CEP295NL: variants seen among roughly 807,000 people sequenced by gnomAD.
The protein encoded by CEP295NL is CEP295 N-terminal like, also known as protein DDC8 homolog.
A neutral mutation model predicts 4.6 loss-of-function variants in CEP295NL; 3 were observed. That is an observed-to-expected ratio of 0.65 (90% CI 0.30 to 1.69). The LOEUF (loss-of-function observed/expected upper bound fraction) is 1.69. Ranked by LOEUF, CEP295NL falls within the 40% of genes most tolerant of loss-of-function variation. The pLI, the probability that CEP295NL is intolerant of heterozygous loss-of-function variation, is 0.10. For missense variants in CEP295NL, 719 were observed against 769.0 expected (o/e 0.93, Z 0.77); for synonymous variants, 295 against 312.2 (o/e 0.94, Z 0.58).
At position 78,890,833 on chromosome 17, in the gene CEP295NL, G is replaced by A; in HGVS notation, c.1671C>T (p.Ser557=). 1 of 1,550,604 alleles carries A rather than the reference G, an allele frequency of 6.4e-7. No individual in the cohort carries two copies. Among genetic ancestry groups the A allele is most frequent in the Non-Finnish European group, 8.7e-7 (1 of 1,147,014 alleles). The change falls in exon 3 of 3, where the codon TCC becomes TCT. Residue 557 remains serine, a synonymous_variant. Transcript: ENST00000322630. ...RARLAHLKSS[S]TRAQERERGS... is the part of the protein sequence containing the mutation. ...CTCTCTCCCTTTCCTGGGCTCTCGT[G>A]GAGGAGGACTTCAGATGGGCCAGTC... is the stretch of plus-strand genomic sequence containing the variant.
At chr17:78,900,787 C>T (rs1271023288) in intron 2 of CEP295NL, among the ~76,000 whole-genome samples, 1 of 152,200 alleles carries the variant, frequency 6.6e-6, no homozygotes, top group Non-Finnish European at 1.5e-5. Flanking sequence ...AATGGGAACA[C>T]ATCTAAAACT....
In CEP295NL at chr17:78,891,473, G is replaced by A. The variant is rs1443960158; in HGVS notation, c.1031C>T (p.Ala344Val). 6.4e-7 allele frequency: 1 copy of A among 1,551,078 alleles called. No homozygotes were observed. Among genetic ancestry groups the A allele is most frequent in the Non-Finnish European group, 8.7e-7 (1 of 1,147,124 alleles). Residue 344 changes from alanine (A) to valine (V), a missense_variant, in exon 3 of 3, where the codon GCC (alanine) becomes GTC (valine). Transcript: ENST00000322630. The surrounding 1 kb of genome is among the most constrained non-coding windows in gnomAD (Gnocchi z 4.5). ...GTTTATATTAAACAACTCTTCAAAGGCCAACTCCAGCTCTTTCTGCCACTT... is the reference window on the plus strand; with the variant it reads ...GTTTATATTAAACAACTCTTCAAAGACCAACTCCAGCTCTTTCTGCCACTT... ...KNKWQKELEL[A>V]FEELFNINRK...
chr17:78,900,400 C>T (rs1320300004), intron 2 of CEP295NL, among the ~76,000 whole-genome samples: 1 of 152,056 alleles, frequency 6.6e-6, no homozygotes, highest in African/African-American at 2.4e-5. Flanking sequence ...AAAAAATTAG[C>T]CAGGTGTGGT....
rs529721968 is a variant in CEP295NL at position 78,896,709 on chromosome 17, C to T, written c.45-4250G>A. Among the ~76,000 whole-genome samples, 9 of 152,278 alleles carry T rather than the reference C, an allele frequency of 5.9e-5. No individual in the cohort carries two copies. Among genetic ancestry groups the T allele is most frequent in the Admixed American group, 6.5e-5 (1 of 15,296 alleles). The stretch of plus-strand genomic sequence containing the variant: ...CCACAGCTCCCCCCTCCGCAGAAGC[C>T]GCGCTCGGAGCAGCAGAAGGAAGGC... On this transcript the variant is annotated intron_variant, in intron 2 of 2. Transcript: ENST00000322630. This position sits in a 1 kb window ranked among gnomAD's most constrained non-coding sequence, Gnocchi z 4.4.
In CEP295NL at chr17:78,892,474, G is replaced by A. The variant is rs1208952443; in HGVS notation, c.45-15C>T. ...CCACAGCAAACCTACGAGGAAGGGA[G>A]CACAAGTGCAGCTTTCCAGATCGCT... is the stretch of plus-strand genomic sequence containing the variant. On this transcript the variant is annotated splice_polypyrimidine_tract_variant and intron_variant, in intron 2 of 2. Coordinates refer to ENST00000322630, the MANE Select transcript of CEP295NL (RefSeq NM_001243540.2). 6.5e-7 allele frequency: 1 copy of A among 1,538,320 alleles called. No individual in the cohort carries two copies. Among genetic ancestry groups the A allele is most frequent in the Non-Finnish European group, 8.8e-7 (1 of 1,140,512 alleles).
At position 78,890,747 on chromosome 17, in the gene CEP295NL, C is replaced by G. The variant is rs767395031; in HGVS notation, c.1757G>C (p.Ser586Thr). Residue 586 changes from serine to threonine, a missense_variant, in exon 3 of 3, where the codon AGT (serine) becomes ACT (threonine). Coordinates refer to ENST00000322630, the MANE Select transcript of CEP295NL (RefSeq NM_001243540.2). The part of the protein sequence containing the change: ...GTSLADDDRH[S>T]QMIRDQQQQI... ...CTGCTGCTGGTCTCGGATCATCTGA[C>G]TGTGCCGGTCGTCGTCGGCGAGGCT... 6.4e-7 allele frequency: 1 copy of G among 1,550,562 alleles called. No individual in the cohort carries two copies. The highest frequency in any genetic ancestry group is 1.4e-5 in the African/African-American group (1 of 73,054).
chr17:78,894,359 G>T (rs2069965107), intron 2 of CEP295NL, among the ~76,000 whole-genome samples: 1 of 152,000 alleles, frequency 6.6e-6, no homozygotes, highest in Non-Finnish European at 1.5e-5. Flanking sequence ...TTTGACTTAA[G>T]TCTTCTAGTG....
intron 2 of CEP295NL, among the ~76,000 whole-genome samples, chr17:78,893,122 T>C (rs928316453): frequency 1.3e-5 from 2 of 148,708 alleles, no homozygotes; most frequent in African/African-American, 5.0e-5. Flanking sequence ...CATGCACATG[T>C]GTGTGCAGGG....
rs2069919072 is a variant in CEP295NL, at chr17:78,892,607, C to A, written c.45-148G>T. ...CTCTCTTGACCCGTGCCCACCAGGGCCCACTCTCAGCCTCCCAATTTCTGT... is the reference window on the plus strand; with the variant it reads ...CTCTCTTGACCCGTGCCCACCAGGGACCACTCTCAGCCTCCCAATTTCTGT... On this transcript the variant is annotated intron_variant, in intron 2 of 2. Transcript: ENST00000322630. 7 of 1,260,628 alleles carry A rather than the reference C, an allele frequency of 5.6e-6. No homozygotes were observed. In the Admixed American group the frequency reaches 8.7e-5, roughly 16 times the overall value. 78.1% of individuals were successfully genotyped at this position (1,260,628 alleles called of 1,614,324 possible).
chr17:78,900,374 C>T (rs562231650), intron 2 of CEP295NL, among the ~76,000 whole-genome samples: 2 of 152,124 alleles, frequency 1.3e-5, no homozygotes, highest in South Asian at 2.1e-4. Context: ...GGTGAAACCT[C>T]GTCTCTACTA....
chr17:78,895,682 G>A (rs533798001), intron 2 of CEP295NL, among the ~76,000 whole-genome samples: 2 of 152,348 alleles, frequency 1.3e-5, no homozygotes, highest in South Asian at 4.1e-4. Context: ...AAAGCTCAGA[G>A]AGGTTGAATA....
chr17:78,890,847 G>A lies in CEP295NL; in HGVS notation c.1657C>T (p.Leu553=). The A allele has an allele frequency of 6.4e-7, 1 of 1,550,658 alleles. No individual in the cohort carries two copies. The highest frequency in any genetic ancestry group is 8.7e-7 in the Non-Finnish European group (1 of 1,147,024). ...TGGGCTCTCGTGGAGGAGGACTTCA[G>A]ATGGGCCAGTCGAGCTCTTCTTTGC... ...REQRRARLAH[L]KSSSTRAQER... Residue 553 remains leucine, a synonymous_variant, in exon 3 of 3, where the codon CTG becomes TTG. Coordinates refer to ENST00000322630, the MANE Select transcript of CEP295NL (RefSeq NM_001243540.2).
rs1287716711 is a variant in CEP295NL, at chr17:78,896,897, G to A, written c.45-4438C>T. ...AGACCGATCCGATCCCAGCACCTGGGCCCAGGAATGTGCTTGGCCACCAGA... is the reference window on the plus strand; with the variant it reads ...AGACCGATCCGATCCCAGCACCTGGACCCAGGAATGTGCTTGGCCACCAGA... On this transcript the variant is annotated intron_variant, in intron 2 of 2. Coordinates refer to ENST00000322630, the MANE Select transcript of CEP295NL (RefSeq NM_001243540.2). This position sits in a 1 kb window ranked among gnomAD's most constrained non-coding sequence, Gnocchi z 4.4. 1 of 984,300 alleles carries A rather than the reference G, an allele frequency of 1.0e-6. No homozygotes were observed. Among genetic ancestry groups the A allele is most frequent in the African/African-American group, 1.7e-5 (1 of 57,184 alleles). 61.0% of individuals were successfully genotyped at this position (984,300 alleles called of 1,614,324 possible). A position where few individuals can be genotyped will look rare whatever the true frequency, so the allele number is the denominator to read the frequency against.
Position 78,896,085 on chromosome 17 carries a change from T to C in CEP295NL, c.45-3626A>G, listed in dbSNP as rs2069994722. On this transcript the variant is annotated intron_variant, in intron 2 of 2. Transcript: ENST00000322630. This position sits in a 1 kb window ranked among gnomAD's most constrained non-coding sequence, Gnocchi z 4.4. ...AGATCTTTGGGATAAGTCTAGAAAATTGCAGCCAGCTCCATCCTTCAGGAA... is the reference window on the plus strand; with the variant it reads ...AGATCTTTGGGATAAGTCTAGAAAACTGCAGCCAGCTCCATCCTTCAGGAA... Among the ~76,000 whole-genome samples the C allele has an allele frequency of 6.6e-6, 1 of 152,084 alleles. No individual in the cohort carries two copies. Among genetic ancestry groups the C allele is most frequent in the Non-Finnish European group, 1.5e-5 (1 of 68,006 alleles).
At chr17:78,901,208 G>C (rs1008002198) in intron 2 of CEP295NL, 1 of 153,996 alleles carries the variant, frequency 6.5e-6, no homozygotes, top group Admixed American at 6.3e-5. Context: ...AGGAACCGAC[G>C]GGCAGACGTG....
At chr17:78,902,966 C>T (rs2070118557) in intron 1 of CEP295NL, among the ~76,000 whole-genome samples, 168 bp downstream of exon 1, 1 of 152,226 alleles carries the variant, frequency 6.6e-6, no homozygotes, top group Non-Finnish European at 1.5e-5. Flanking sequence ...AGGGACTTTG[C>T]CGCTGGCCTT....
rs1255638768 is a variant in CEP295NL, at chr17:78,892,048, C to CG, written c.455dup (p.Gln153AlafsTer19). The CG allele has an allele frequency of 2.6e-6, 4 of 1,551,008 alleles. No individual in the cohort carries two copies. Among genetic ancestry groups the CG allele is most frequent in the South Asian group, 1.2e-5 (1 of 84,056 alleles). On this transcript the variant is annotated frameshift_variant, in exon 3 of 3. Coordinates refer to ENST00000322630, the MANE Select transcript of CEP295NL (RefSeq NM_001243540.2). LOFTEE classifies it low-confidence loss of function (END_TRUNC). ...CTGATCTTCGCTGGATGGGCCCCTG[C>CG]GAGTCAGGCTCATTTTCCCTGGCCC...
In CEP295NL at chr17:78,892,026, A is replaced by T. The variant is rs1313509386; in HGVS notation, c.478T>A (p.Ser160Thr). Residue 160 changes from serine to threonine, a missense_variant, in exon 3 of 3, where the codon TCA (serine) becomes ACA (threonine). Physicochemically the swap from Ser to Thr is moderately conservative, Grantham distance 58. Coordinates refer to ENST00000322630, the MANE Select transcript of CEP295NL (RefSeq NM_001243540.2). ...TCCTTGGCCCTCGGGGGCCTGGCTG[A>T]TCTTCGCTGGATGGGCCCCTGCGAG... ...PDSQGPIQRR[S>T]ARPPRAKEKH... 6.4e-7 allele frequency: 1 copy of T among 1,550,482 alleles called. No homozygotes were observed. Among genetic ancestry groups the T allele is most frequent in the Admixed American group, 2.0e-5 (1 of 50,974 alleles).
rs923997736 is a variant in CEP295NL, at chr17:78,902,007, A to C, written c.-98-81T>G. The C allele has an allele frequency of 1.2e-5, 7 of 574,672 alleles. No individual in the cohort carries two copies. In the African/African-American group the frequency reaches 1.3e-4, roughly 11 times the overall value. 35.6% of individuals were successfully genotyped at this position (574,672 alleles called of 1,614,324 possible). ...CCGTTTCTCTGAGTTCTAGCCTCTA[A>C]AAATACCCTCCATGACACGCTGTGT... On this transcript the variant is annotated intron_variant, in intron 1 of 2. Transcript: ENST00000322630.
Sources: gnomAD v4.1 joint callset for allele counts (sites outside exome capture counted in the v4.1 genomes callset) on GRCh38, gnomAD v4.1.1 for gene constraint, Gnocchi (gnomAD v3.1) non-coding constraint, MANE v1.5 for transcripts, NCBI Gene and HGNC (gene_info 2026-07-23, HGNC 2026-07-21) for gene names.